Variants in UNC5C observed in about 807,000 individuals in gnomAD.
UNC5C encodes the protein netrin receptor UNC5C.
In UNC5C, 47 loss-of-function variants were observed where a neutral mutation model predicts 99.8. That is an observed-to-expected ratio of 0.47 (90% CI 0.37 to 0.60). The LOEUF is 0.60. UNC5C is among the 20% of genes least tolerant of loss of function. UNC5C has a pLI of 0.00. For synonymous variants in UNC5C, 487 were observed against 452.2 expected, an observed-to-expected ratio of 1.08 and a Z score of -0.98; for missense variants, 1,062 against 1,165.9, an observed-to-expected ratio of 0.91 and a Z score of 1.30.
intron 4 of UNC5C, among the ~76,000 whole-genome samples, chr4:95,277,639 G>A (rs934430489): frequency 5.9e-5 from 9 of 152,200 alleles, no homozygotes; most frequent in African/African-American, 1.9e-4. Flanking sequence ...CTAATGAAAA[G>A]TCATGGTATG....
rs1187426214 is a variant in UNC5C, at chr4:95,482,494, C to A, written c.124+66240G>T. Among the ~76,000 whole-genome samples the A allele has an allele frequency of 1.9e-4, 28 of 148,718 alleles. 1 individual carries two copies. Among genetic ancestry groups the A allele is most frequent in the Non-Finnish European group, 4.5e-5 (3 of 66,552 alleles). On this transcript the variant is annotated intron_variant, in intron 1 of 15. Coordinates refer to ENST00000453304, the MANE Select transcript of UNC5C (RefSeq NM_003728.4). ...GAACTAGAAATACCATTTGACCCAG[C>A]CATCCCATTACTGGGTATATACCCA...
chr4:95,324,692 G>A (rs1047077908), intron 2 of UNC5C, among the ~76,000 whole-genome samples: 1 of 152,078 alleles, frequency 6.6e-6, no homozygotes, highest in Non-Finnish European at 1.5e-5. Flanking sequence ...TAGGCCATGG[G>A]GGCAATTGTC....
intron 14 of UNC5C, among the ~76,000 whole-genome samples, chr4:95,181,470 AC>A (rs1045918767): frequency 1.3e-5 from 2 of 151,816 alleles, no homozygotes; most frequent in African/African-American, 4.8e-5. Context: ...AAAGGACCAG[AC>A]CCCCTCACCC....
intron 3 of UNC5C, among the ~76,000 whole-genome samples, chr4:95,282,980 G>A (rs1312349655): frequency 1.3e-5 from 2 of 152,104 alleles, no homozygotes; most frequent in African/African-American, 4.8e-5. Flanking sequence ...AGAGACAGGA[G>A]GGCAGGAGAA....
At chr4:95,301,268 T>C (rs1180538898) in intron 3 of UNC5C, among the ~76,000 whole-genome samples, 1 of 146,156 alleles carries the variant, frequency 6.8e-6, no homozygotes, top group African/African-American at 2.5e-5. Flanking sequence ...TAATCTCGGC[T>C]CACTGCAAGC....
chr4:95,292,489 C>G (rs1741513643), intron 3 of UNC5C, among the ~76,000 whole-genome samples: 1 of 151,982 alleles, frequency 6.6e-6, no homozygotes, highest in Non-Finnish European at 1.5e-5. Flanking sequence ...TACATTGTGA[C>G]AGGAATCACC....
At chr4:95,233,291 A>G (rs1395913944) in intron 7 of UNC5C, among the ~76,000 whole-genome samples, 2 of 152,178 alleles carry the variant, frequency 1.3e-5, no homozygotes, top group African/African-American at 2.4e-5. Flanking sequence ...TGCAGACACA[A>G]TTCCAAGCAG....
At chr4:95,230,508 G>A (rs1331821816) in intron 7 of UNC5C, among the ~76,000 whole-genome samples, 26 of 149,670 alleles carry the variant, frequency 1.7e-4, no homozygotes, top group South Asian at 4.2e-4. Flanking sequence ...TAGTCATGAA[G>A]TCTTTGCCCA....
In UNC5C at chr4:95,168,395, A is replaced by T. The variant is rs546123374; in HGVS notation, c.*839T>A. Reference sequence around the variant, plus strand: ...GCACTGCTAACAAAAATAGAAATTTAAAAAAATCATTTTACCAGAATACCT... The same window carrying T: ...GCACTGCTAACAAAAATAGAAATTTTAAAAAATCATTTTACCAGAATACCT... On this transcript the variant is annotated 3_prime_UTR_variant, in exon 16 of 16. Transcript: ENST00000453304. 1.0e-4 allele frequency: 16 copies of T among 152,490 alleles called. No individual in the cohort carries two copies. Among genetic ancestry groups the T allele is most frequent in the South Asian group, 1.0e-3 (5 of 4,822 alleles). The allele number at this position is 152,490 out of a possible 1,614,324, so 9.4% of individuals were successfully genotyped here. A position where few individuals can be genotyped will look rare whatever the true frequency, so the allele number is the denominator to read the frequency against.
intron 4 of UNC5C, among the ~76,000 whole-genome samples, chr4:95,253,042 A>T (rs1739803370): frequency 6.6e-6 from 1 of 152,152 alleles, no homozygotes; most frequent in South Asian, 2.1e-4. Flanking sequence ...AGTACTCCAA[A>T]ACCTGAAGTC....
At chr4:95,397,918 T>C (rs1396996784) in intron 1 of UNC5C, among the ~76,000 whole-genome samples, 1 of 152,168 alleles carries the variant, frequency 6.6e-6, no homozygotes, top group African/African-American at 2.4e-5. Flanking sequence ...AGTAGCATTA[T>C]TAATTGTCTG....
chr4:95,469,869 C>T (rs565911556), intron 1 of UNC5C, among the ~76,000 whole-genome samples: 1 of 152,234 alleles, frequency 6.6e-6, no homozygotes, highest in African/African-American at 2.4e-5. Flanking sequence ...AGACAAATTG[C>T]TCATGCAGAT....
chr4:95,174,274 C>T (rs1419999658), intron 14 of UNC5C, among the ~76,000 whole-genome samples: 2 of 151,440 alleles, frequency 1.3e-5, no homozygotes, highest in East Asian at 1.9e-4. Flanking sequence ...TATTTCTTGC[C>T]TTCTGCTAGC....
At chr4:95,393,088 A>G (rs1469563658) in intron 1 of UNC5C, among the ~76,000 whole-genome samples, 1 of 152,148 alleles carries the variant, frequency 6.6e-6, no homozygotes, top group Admixed American at 6.6e-5. Flanking sequence ...CCTTGGGGAA[A>G]GTAGTAAGTC....
intron 1 of UNC5C, among the ~76,000 whole-genome samples, chr4:95,414,165 C>T (rs17373352): frequency 0.015 from 2,241 of 152,220 alleles, 27 homozygotes; most frequent in South Asian, 0.054. Context: ...TTTGGAATCC[C>T]CTTAAATTTC....
intron 3 of UNC5C, among the ~76,000 whole-genome samples, chr4:95,284,284 A>G (rs57386297): frequency 0.016 from 2,425 of 152,318 alleles, 50 homozygotes; most frequent in African/African-American, 0.049. Context: ...TTCAGTTTCC[A>G]TATTTACGAA....
In UNC5C at chr4:95,532,869, T is replaced by C. The variant is rs17024147; in HGVS notation, c.124+15865A>G. On this transcript the variant is annotated intron_variant, in intron 1 of 15. Transcript: ENST00000453304. The stretch of plus-strand genomic sequence containing the variant: ...AATACTCCTGTCAGTCATGGTAAGA[T>C]GTTCAGATCATATTCTAAAGGTAAC... Among the ~76,000 whole-genome samples the C allele has an allele frequency of 4.8e-3, 721 of 149,550 alleles. 5 individuals carry two copies. Among genetic ancestry groups the C allele is most frequent in the African/African-American group, 0.014 (573 of 40,542 alleles).
At chr4:95,332,772 GA>G (rs1322109476) in intron 2 of UNC5C, among the ~76,000 whole-genome samples, 1 of 151,202 alleles carries the variant, frequency 6.6e-6, no homozygotes, top group African/African-American at 2.4e-5. Context: ...ACTACCATCA[GA>G]GTGAACAGGC....
chr4:95,467,221 C>T (rs1355861062), intron 1 of UNC5C, among the ~76,000 whole-genome samples: 1 of 152,140 alleles, frequency 6.6e-6, no homozygotes, highest in Non-Finnish European at 1.5e-5. Flanking sequence ...ACCCTCAGAA[C>T]CAGTGTTGAA....
Sources: allele counts gnomAD v4.1 joint callset (sites outside exome capture counted in the v4.1 genomes callset), GRCh38; gene constraint gnomAD v4.1.1; transcripts MANE v1.5; gene names NCBI Gene and HGNC (gene_info 2026-07-23, HGNC 2026-07-21).